Variants in TM2D3 observed in about 807,000 individuals in gnomAD.
TM2D3 encodes the protein TM2 domain-containing protein 3.
Under a neutral mutation model 27.3 loss-of-function variants are expected in TM2D3, and 33 were observed. The observed-to-expected ratio is 1.21, with a 90% CI of 0.92 to 1.61. The LOEUF (loss-of-function observed/expected upper bound fraction) is 1.61, where lower values mean the gene tolerates loss of function less well. TM2D3 is among the 40% of genes most tolerant of loss of function. The probability of loss-of-function intolerance (pLI) is 0.00; values close to 1 mark genes in which losing one functional copy is unlikely to be tolerated. For synonymous variants in TM2D3, 138 were observed against 122.2 expected (o/e 1.13, Z -0.85); for missense variants, 364 against 320.8 (o/e 1.13, Z -1.03).
At chr15:101,641,219 A>T (rs1246594009), downstream of TM2D3, among the ~76,000 whole-genome samples, 4 of 152,148 alleles carry the variant, frequency 2.6e-5, no homozygotes, top group Admixed American at 2.6e-4. Flanking sequence ...GTCCACATAA[A>T]CCGGGTTACT....
downstream of TM2D3, among the ~76,000 whole-genome samples, chr15:101,640,886 G>C (rs1354452634): frequency 6.6e-6 from 1 of 152,158 alleles, no homozygotes; most frequent in East Asian, 1.9e-4. Flanking sequence ...TTTACTCTCA[G>C]ACACTGCAGC....
At chr15:101,648,266 T>A (rs1243480956) in intron 3 of TM2D3, 1 of 152,212 alleles carries the variant, frequency 6.6e-6, no homozygotes, top group Non-Finnish European at 1.5e-5. Flanking sequence ...ATCCTAATTC[T>A]CTCTGTATGG....
intron 4 of TM2D3, chr15:101,633,953 C>A (rs371523319): frequency 1.4e-5 from 6 of 433,518 alleles, no homozygotes; most frequent in East Asian, 3.3e-5. Context: ...CCTCACTGAG[C>A]AATTACTAAC....
chr15:101,633,736 CA>C, intron 4 of TM2D3: 2 of 1,524,000 alleles, frequency 1.3e-6, no homozygotes, highest in Non-Finnish European at 1.8e-6. Flanking sequence ...AGACTATACC[CA>C]AAAAGAAGAA....
chr15:101,644,191 T>C (rs537288867), intron 5 of TM2D3, among the ~76,000 whole-genome samples: 59 of 152,288 alleles, frequency 3.9e-4, no homozygotes, highest in African/African-American at 1.4e-3. Flanking sequence ...CACCCTCTTT[T>C]ACTTTTCAGT....
At chr15:101,637,300 G>T (rs549385609), downstream of TM2D3, among the ~76,000 whole-genome samples, 7 of 152,338 alleles carry the variant, frequency 4.6e-5, no homozygotes, top group African/African-American at 1.7e-4. Flanking sequence ...GAGCTTCAGA[G>T]AGAATAGATT....
Position 101,651,676 on chromosome 15 carries a change from G to A in TM2D3, c.169+20C>T, listed in dbSNP as rs201936995. The stretch of plus-strand genomic sequence containing the variant: ...TAGAGATAACTACATGTATTTACTA[G>A]AATAGAAAACGTCTAGTACCTGCTG... On this transcript the variant is annotated intron_variant, in intron 2 of 5. Transcript: ENST00000333202. 21 of 1,611,206 alleles carry A rather than the reference G, an allele frequency of 1.3e-5. No individual in the cohort carries two copies. The Admixed American group carries it at 3.0e-4, about 23-fold the overall frequency.
chr15:101,645,290 G>A, intron 4 of TM2D3, 128 bp from the exon 5 acceptor site: 2 of 751,498 alleles, frequency 2.7e-6, no homozygotes, highest in East Asian at 5.4e-5. Flanking sequence ...ACATGTTGAA[G>A]TGAAGAGTAC....
chr15:101,635,209 TATAAA>T (rs1366600250), intron 4 of TM2D3: 3 of 152,140 alleles, frequency 2.0e-5, no homozygotes, highest in Non-Finnish European at 4.4e-5. Flanking sequence ...AAAGTGAAAT[TATAAA>T]ATATTTTAAA....
chr15:101,645,062 T>TA, intron 5 of TM2D3, 25 bp downstream of exon 5: 1 of 1,607,004 alleles, frequency 6.2e-7, no homozygotes. Context: ...AACGGCCTTT[T>TA]ACACTTACGA....
At chr15:101,651,485 A>C in intron 2 of TM2D3, 1 of 486,538 alleles carries the variant, frequency 2.1e-6, no homozygotes, top group Non-Finnish European at 3.6e-6. Context: ...GGATTGGAAA[A>C]AGAGAGGAGG....
intron 4 of TM2D3, chr15:101,636,435 C>T (rs1483408405): frequency 6.6e-6 from 1 of 152,216 alleles, no homozygotes; most frequent in Non-Finnish European, 1.5e-5. Context: ...AAACTCTTGA[C>T]TGTTGAAGCT....
chr15:101,646,945 C>A, intron 3 of TM2D3, 46 bp from the exon 4 acceptor site: 1 of 1,607,026 alleles, frequency 6.2e-7, no homozygotes, highest in Non-Finnish European at 8.5e-7. Flanking sequence ...ATGGTGTAGT[C>A]TGTTAAGATG....
intron 2 of TM2D3, 106 bp downstream of exon 2, chr15:101,651,590 C>G: frequency 1.8e-6 from 2 of 1,142,598 alleles, no homozygotes; most frequent in East Asian, 4.7e-5. Flanking sequence ...AATAAATATT[C>G]AAAAATGGAA....
At chr15:101,649,516 C>T (rs1282229527) in intron 3 of TM2D3, among the ~76,000 whole-genome samples, 4 of 152,176 alleles carry the variant, frequency 2.6e-5, no homozygotes, top group Non-Finnish European at 5.9e-5. Flanking sequence ...CTGGATAAGA[C>T]AGGCGTTCCA....
Position 101,642,587 on chromosome 15 carries a change from G to A in TM2D3, c.636C>T (p.Gly212=). The change falls in exon 6 of 6, where the codon GGC becomes GGT. Residue 212 remains glycine (G), a synonymous_variant. Coordinates refer to ENST00000333202, the MANE Select transcript of TM2D3 (RefSeq NM_078474.3). Reference sequence around the variant, plus strand: ...CACCGAAGCTGAAGAGCTTGCCGAGGCCTTCCCGCCACTGGCCCAGGTAGA... The same window carrying A: ...CACCGAAGCTGAAGAGCTTGCCGAGACCTTCCCGCCACTGGCCCAGGTAGA... ...DRFYLGQWRE[G]LGKLFSFGGL... The A allele has an allele frequency of 6.2e-7, 1 of 1,607,560 alleles. No homozygotes were observed. The highest frequency in any genetic ancestry group is 8.5e-7 in the Non-Finnish European group (1 of 1,177,624).
intron 2 of TM2D3, 47 bp from the exon 3 acceptor site, chr15:101,650,208 A>G: frequency 6.4e-7 from 1 of 1,562,964 alleles, no homozygotes; most frequent in Non-Finnish European, 8.7e-7. Context: ...TACTGATTCG[A>G]ATAACAGAGA....
intron 1 of TM2D3, chr15:101,652,042 C>T: frequency 1.8e-6 from 1 of 560,646 alleles, no homozygotes; most frequent in South Asian, 2.3e-5. Flanking sequence ...CATCTCCGTG[C>T]CAGGGCTCCG....
chr15:101,636,824 A>G (rs1896560434), intron 4 of TM2D3: 1 of 344,488 alleles, frequency 2.9e-6, no homozygotes, highest in South Asian at 2.1e-5. Context: ...ATTCTCATCA[A>G]TACTTGTTAT....
Sources: gnomAD v4.1 joint callset for allele counts (sites outside exome capture counted in the v4.1 genomes callset) on GRCh38, gnomAD v4.1.1 for gene constraint, MANE v1.5 for transcripts, NCBI Gene and HGNC (gene_info 2026-07-23, HGNC 2026-07-21) for gene names.